The following CENPP variants were observed in gnomAD, a reference collection of about 807,000 sequenced individuals.
CENPP encodes the protein centromere protein P.
CENPP carries 24 observed loss-of-function variants against 35.6 expected under a neutral mutation model. That is an observed-to-expected ratio of 0.67 (90% CI 0.49 to 0.95). The LOEUF (loss-of-function observed/expected upper bound fraction) is 0.95. Among genes scored for constraint, CENPP ranks in the 40% least tolerant of loss-of-function variants. The probability of loss-of-function intolerance (pLI) is 0.00; values close to 1 mark genes in which losing one functional copy is unlikely to be tolerated. For missense variants in CENPP, 332 were observed against 345.3 expected (o/e 0.96, Z 0.31); for synonymous variants, 120 against 125.5 (o/e 0.96, Z 0.29).
chr9:92,470,531 C>A, intron 5 of CENPP: 1 of 506,816 alleles, frequency 2.0e-6, no homozygotes, highest in Non-Finnish European at 3.4e-6. Flanking sequence ...TTGACTAGAA[C>A]GCTGTTGAAT....
chr9:92,536,917 T>A (rs557038800), intron 5 of CENPP, among the ~76,000 whole-genome samples: 2 of 150,878 alleles, frequency 1.3e-5, no homozygotes, highest in South Asian at 4.2e-4. Context: ...TTGCCCAGGC[T>A]AGAGTGCAAT....
intron 5 of CENPP, among the ~76,000 whole-genome samples, chr9:92,520,846 G>C (rs1848021795): frequency 6.6e-6 from 1 of 152,192 alleles, no homozygotes; most frequent in African/African-American, 2.4e-5. Context: ...ACTAAGTAAA[G>C]AAGTCAAATA....
intron 1 of CENPP, among the ~76,000 whole-genome samples, chr9:92,330,202 T>C (rs1455533584): frequency 6.6e-6 from 1 of 152,118 alleles, no homozygotes; most frequent in Non-Finnish European, 1.5e-5. Context: ...ACTTCCAAGG[T>C]ATAGAGCCTG....
At chr9:92,499,360 C>A (rs903681452) in intron 5 of CENPP, among the ~76,000 whole-genome samples, 26 of 152,040 alleles carry the variant, frequency 1.7e-4, no homozygotes, top group Non-Finnish European at 2.8e-4. Context: ...AGTTGATGAG[C>A]AAAAAATTTT....
At chr9:92,471,970 C>T (rs1241039133) in intron 5 of CENPP, among the ~76,000 whole-genome samples, 3 of 152,158 alleles carry the variant, frequency 2.0e-5, no homozygotes, top group African/African-American at 7.2e-5. Flanking sequence ...TGTAGTCATA[C>T]ATTTAATAGC....
intron 5 of CENPP, among the ~76,000 whole-genome samples, chr9:92,553,209 T>A (rs1345943313): frequency 4.6e-5 from 7 of 152,206 alleles, no homozygotes; most frequent in Non-Finnish European, 1.0e-4. Context: ...TTGTCGAAGA[T>A]CAGTTGGCTG....
intron 5 of CENPP, among the ~76,000 whole-genome samples, chr9:92,551,336 T>A (rs2131326417): frequency 6.6e-6 from 1 of 152,206 alleles, no homozygotes; most frequent in South Asian, 2.1e-4. Flanking sequence ...CAAAATGACG[T>A]CTGATGCTTT....
intron 5 of CENPP, among the ~76,000 whole-genome samples, chr9:92,400,492 C>G (rs1425734655): frequency 6.6e-6 from 1 of 152,154 alleles, no homozygotes; most frequent in Non-Finnish European, 1.5e-5. Context: ...TACTATCATA[C>G]TTCTCGCTTT....
chr9:92,430,878 C>T (rs1388808201), intron 5 of CENPP, among the ~76,000 whole-genome samples: 1 of 152,100 alleles, frequency 6.6e-6, no homozygotes, highest in Admixed American at 6.5e-5. Context: ...TCACTGCACC[C>T]TCCGCCTCCT....
chr9:92,544,390 C>T (rs1300007714), intron 5 of CENPP, among the ~76,000 whole-genome samples: 2 of 152,158 alleles, frequency 1.3e-5, no homozygotes, highest in Non-Finnish European at 2.9e-5. Flanking sequence ...GCACGAGAAT[C>T]GCTTGAATCT....
intron 5 of CENPP, among the ~76,000 whole-genome samples, chr9:92,480,078 G>A (rs141766771): frequency 1.4e-3 from 211 of 152,030 alleles, no homozygotes; most frequent in African/African-American, 4.8e-3. Flanking sequence ...ATTAGTTTTG[G>A]CAGTATTCAG....
intron 5 of CENPP, among the ~76,000 whole-genome samples, chr9:92,423,746 A>G (rs780332233): frequency 6.6e-6 from 1 of 152,208 alleles, no homozygotes; most frequent in African/African-American, 2.4e-5. Flanking sequence ...GGATTTAGTC[A>G]GTAGAGAAAT....
At chr9:92,414,798 T>C in intron 5 of CENPP, 1 of 236,646 alleles carries the variant, frequency 4.2e-6, no homozygotes. Flanking sequence ...GGGTCTTTAC[T>C]GCTAATGCTA....
At chr9:92,386,399 A>G in intron 5 of CENPP, 1 of 707,564 alleles carries the variant, frequency 1.4e-6, no homozygotes, top group Non-Finnish European at 2.5e-6. Flanking sequence ...ATATATACAG[A>G]CTTGCATATT....
At chr9:92,545,425 C>A in intron 5 of CENPP, among the ~76,000 whole-genome samples, 1 of 152,138 alleles carries the variant, frequency 6.6e-6, no homozygotes, top group South Asian at 2.1e-4. Flanking sequence ...TCGGGTACCC[C>A]AGCAGTGCCG....
intron 5 of CENPP, among the ~76,000 whole-genome samples, chr9:92,579,980 A>G (rs1322390587): frequency 1.3e-5 from 2 of 148,798 alleles, no homozygotes; most frequent in Admixed American, 1.3e-4. Flanking sequence ...CGTCCCATCA[A>G]TACCTAATTT....
chr9:92,452,404 T>C (rs1844738877), intron 5 of CENPP, among the ~76,000 whole-genome samples: 1 of 152,218 alleles, frequency 6.6e-6, no homozygotes, highest in Non-Finnish European at 1.5e-5. Context: ...ATTACATTTA[T>C]TGATTTGTGT....
intron 5 of CENPP, among the ~76,000 whole-genome samples, chr9:92,556,757 G>A (rs534403211): frequency 8.3e-4 from 127 of 152,254 alleles, no homozygotes; most frequent in African/African-American, 2.7e-3. Flanking sequence ...TGAAGGCAGC[G>A]GATAGTTGGT....
chr9:92,409,064 T>A (rs1843379517), intron 5 of CENPP, among the ~76,000 whole-genome samples: 1 of 152,220 alleles, frequency 6.6e-6, no homozygotes, highest in Non-Finnish European at 1.5e-5. Context: ...TAAAATTGTA[T>A]TTTATTTGTT....
Sources: gnomAD v4.1 joint callset for allele counts (sites outside exome capture counted in the v4.1 genomes callset) on GRCh38, gnomAD v4.1.1 for gene constraint, MANE v1.5 for transcripts, NCBI Gene and HGNC (gene_info 2026-07-23, HGNC 2026-07-21) for gene names.